CDH9: variants seen among roughly 807,000 people sequenced by gnomAD.
CDH9 encodes the protein cadherin-9.
A neutral mutation model predicts 70.9 loss-of-function variants in CDH9; 28 were observed. The observed-to-expected ratio is 0.40, with a 90% CI of 0.29 to 0.54. The LOEUF is 0.54. Among genes scored for constraint, CDH9 ranks in the 20% least tolerant of loss-of-function variants. The probability of loss-of-function intolerance (pLI) is 0.59; values close to 1 mark genes in which losing one functional copy is unlikely to be tolerated. For synonymous variants in CDH9, 409 were observed against 343.1 expected (o/e 1.19, Z -2.12); for missense variants, 874 against 984.4 (o/e 0.89, Z 1.50).
In CDH9 at chr5:26,915,720, A is replaced by T; in HGVS notation, c.433T>A (p.Phe145Ile). 6.2e-7 allele frequency: 1 copy of T among 1,613,058 alleles called. No individual in the cohort carries two copies. Among genetic ancestry groups the T allele is most frequent in the Non-Finnish European group, 8.5e-7 (1 of 1,179,070 alleles). ...TTGATATCATGTATTTTAATGATAA[A>T]TTCCGATTCCGGTTCCACCTGCCGC... ...TGRQVEPESE[F>I]IIKIHDINDN... Residue 145 changes from phenylalanine (F) to isoleucine (I), a missense_variant, in exon 3 of 12, where the codon TTT becomes ATT. Coordinates refer to ENST00000231021, the MANE Select transcript of CDH9 (RefSeq NM_016279.4).
In CDH9 at chr5:26,915,834, T is replaced by C; in HGVS notation, c.319A>G (p.Thr107Ala). The change falls in exon 3 of 12, where the codon ACA becomes GCA. Residue 107 changes from threonine to alanine, a missense_variant. Thr to Ala is a moderately conservative substitution (Grantham distance 58). Transcript: ENST00000231021. ...AGSLFVIDEN[T>A]GDIHAAKKLD... ...TTCTTTGCAGCATGAATGTCTCCTG[T>C]ATTTTCATCTATAACAAATAGACTG... 3 of 1,612,700 alleles carry C rather than the reference T, an allele frequency of 1.9e-6. No individual in the cohort carries two copies. The highest frequency in any genetic ancestry group is 2.5e-6 in the Non-Finnish European group (3 of 1,178,744).
In CDH9 at chr5:26,926,420, C is replaced by T. The variant is rs942592945; in HGVS notation, c.229-10496G>A. On this transcript the variant is annotated intron_variant, in intron 2 of 11. Coordinates refer to ENST00000231021, the MANE Select transcript of CDH9 (RefSeq NM_016279.4). ...GACTTCTTCAAGGAAAACTACAAAC[C>T]ACTGCTCAACGAAATAAAAGAGCAC... Among the ~76,000 whole-genome samples the T allele has an allele frequency of 5.9e-5, 9 of 152,030 alleles. 1 individual carries two copies. Among genetic ancestry groups the T allele is most frequent in the Admixed American group, 1.3e-4 (2 of 15,244 alleles).
chr5:26,921,619 G>C (rs996514687), intron 2 of CDH9, among the ~76,000 whole-genome samples: 10 of 152,110 alleles, frequency 6.6e-5, no homozygotes, highest in Non-Finnish European at 2.9e-5. Flanking sequence ...GAACTCTCGG[G>C]GCTGTTGCTG....
intron 2 of CDH9, among the ~76,000 whole-genome samples, chr5:26,977,475 G>A (rs1045473581): frequency 1.1e-4 from 6 of 55,316 alleles, no homozygotes; most frequent in Non-Finnish European, 2.1e-4. Flanking sequence ...ATGTGTGCGT[G>A]TGTGTGTGTG....
At chr5:26,941,882 A>G (rs191709568) in intron 2 of CDH9, among the ~76,000 whole-genome samples, 130 of 152,340 alleles carry the variant, frequency 8.5e-4, no homozygotes, top group Non-Finnish European at 1.5e-3. Context: ...CAGAGGGCAC[A>G]TCTGATGAGA....
intron 2 of CDH9, among the ~76,000 whole-genome samples, chr5:26,951,523 A>G (rs1158780767): frequency 1.3e-5 from 2 of 152,120 alleles, no homozygotes; most frequent in Non-Finnish European, 2.9e-5. Flanking sequence ...AAGCTATATA[A>G]GTATAAAATG....
intron 1 of CDH9, among the ~76,000 whole-genome samples, chr5:26,991,855 T>C (rs1742584610): frequency 1.3e-5 from 2 of 152,142 alleles, no homozygotes; most frequent in African/African-American, 4.8e-5. Flanking sequence ...TCCATTCTTT[T>C]CTTATTCTTG....
At chr5:27,033,738 T>C (rs918612097) in intron 1 of CDH9, among the ~76,000 whole-genome samples, 2 of 151,754 alleles carry the variant, frequency 1.3e-5, no homozygotes, top group South Asian at 4.1e-4. Flanking sequence ...CTAGAAATTA[T>C]GTAATAATAC....
Position 26,903,742 on chromosome 5 carries a change from C to T in CDH9, c.894G>A (p.Gly298=). 4 of 1,607,916 alleles carry T rather than the reference C, an allele frequency of 2.5e-6. No homozygotes were observed. Among genetic ancestry groups the T allele is most frequent in the South Asian group, 1.1e-5 (1 of 90,168 alleles). ...TGCTATACTCCATTTCTGCATTTTC[C>T]CCCACGTCAGGGTCATTGGCTTTTA... is the stretch of plus-strand genomic sequence containing the variant. ...GRIKANDPDV[G]ENAEMEYSIA... is the part of the protein sequence containing the mutation. The change falls in exon 6 of 12, where the codon GGG becomes GGA. Residue 298 remains glycine (G), a synonymous_variant. Coordinates refer to ENST00000231021, the MANE Select transcript of CDH9 (RefSeq NM_016279.4).
At chr5:27,001,499 T>A (rs1197798700) in intron 1 of CDH9, among the ~76,000 whole-genome samples, 1 of 152,120 alleles carries the variant, frequency 6.6e-6, no homozygotes. Flanking sequence ...CCATGATCCA[T>A]GGGGTAATAA....
intron 1 of CDH9, among the ~76,000 whole-genome samples, chr5:27,010,373 A>C (rs1209616515): frequency 6.6e-6 from 1 of 152,070 alleles, no homozygotes; most frequent in East Asian, 1.9e-4. Flanking sequence ...GTGTATCCTT[A>C]TTTCTATCTT....
chr5:26,902,528 T>A lies in CDH9; in HGVS notation c.1201A>T (p.Ile401Phe). The A allele has an allele frequency of 1.2e-6, 2 of 1,603,270 alleles. No homozygotes were observed. The highest frequency in any genetic ancestry group is 2.2e-5 in the South Asian group (2 of 90,824). ...TCGTATGCTGTAACCTGTCCAATGA[T>A]ACTGCCCTCCTTTACATCTTCATCT... ...EVDEDVKEGS[I>F]IGQVTAYDPD... Residue 401 changes from isoleucine (I) to phenylalanine (F), a missense_variant, in exon 7 of 12, where the codon ATC (isoleucine) becomes TTC (phenylalanine). Ile to Phe is a conservative substitution (Grantham distance 21). Transcript: ENST00000231021.
intron 2 of CDH9, among the ~76,000 whole-genome samples, chr5:26,970,975 A>C (rs1377331352): frequency 6.6e-6 from 1 of 152,162 alleles, no homozygotes; most frequent in East Asian, 1.9e-4. Flanking sequence ...AGAGGGGAAA[A>C]GAATGTTAGC....
chr5:26,990,570 T>C (rs1345313590), intron 1 of CDH9, among the ~76,000 whole-genome samples: 2 of 152,094 alleles, frequency 1.3e-5, no homozygotes, highest in Non-Finnish European at 2.9e-5. Context: ...AAACCCGGAA[T>C]TAGATATCAG....
rs115289271 is a variant in CDH9 at position 26,976,343 on chromosome 5, G to A, written c.228+11763C>T. ...ATACAGAAGTTGGCAGAATTTGAGT[G>A]ACCTTCCTATAAGATTGAAAAATGT... On this transcript the variant is annotated intron_variant, in intron 2 of 11. Transcript: ENST00000231021. Among the ~76,000 whole-genome samples, 1,356 of 152,280 alleles carry A rather than the reference G, an allele frequency of 8.9e-3. 10 individuals carry two copies. Among genetic ancestry groups the A allele is most frequent in the Middle Eastern group, 0.034 (10 of 294 alleles).
At chr5:27,003,931 T>C (rs1215610243) in intron 1 of CDH9, among the ~76,000 whole-genome samples, 2 of 151,954 alleles carry the variant, frequency 1.3e-5, no homozygotes, top group Admixed American at 6.6e-5. Flanking sequence ...ATGTTAATAA[T>C]AGGCAAAACT....
At chr5:26,909,022 A>G (rs928510740) in intron 3 of CDH9, among the ~76,000 whole-genome samples, 2 of 152,134 alleles carry the variant, frequency 1.3e-5, no homozygotes, top group Admixed American at 6.6e-5. Context: ...CTCACTCTGT[A>G]GCCCAGGCTG....
At chr5:27,012,519 C>A (rs112085661) in intron 1 of CDH9, among the ~76,000 whole-genome samples, 1,882 of 152,018 alleles carry the variant, frequency 0.012, 59 homozygotes, top group African/African-American at 0.043. Flanking sequence ...GGCACCAATG[C>A]CAATTTAAAT....
chr5:27,034,360 G>A (rs776661981), intron 1 of CDH9, among the ~76,000 whole-genome samples: 4 of 151,346 alleles, frequency 2.6e-5, no homozygotes, highest in East Asian at 2.0e-4. Flanking sequence ...GTGTTTCATC[G>A]ATCAATTAGA....
Sources: allele counts gnomAD v4.1 joint callset (sites outside exome capture counted in the v4.1 genomes callset), GRCh38; gene constraint gnomAD v4.1.1; transcripts MANE v1.5; gene names NCBI Gene and HGNC (gene_info 2026-07-23, HGNC 2026-07-21).